DLG1: variants seen among roughly 807,000 people sequenced by gnomAD.
DLG1 encodes the protein discs large MAGUK scaffold protein 1.
Under a neutral mutation model 123.4 loss-of-function variants are expected in DLG1, and 42 were observed. The observed-to-expected ratio is 0.34, with a 90% CI of 0.27 to 0.44. The LOEUF (loss-of-function observed/expected upper bound fraction) is 0.44. DLG1 is among the 20% of genes least tolerant of loss of function. The pLI, the probability that DLG1 is intolerant of heterozygous loss-of-function variation, is 1.00. For synonymous variants in DLG1, 317 were observed against 356.2 expected, an observed-to-expected ratio of 0.89 and a Z score of 1.24; for missense variants, 942 against 1,082.6, an observed-to-expected ratio of 0.87 and a Z score of 1.82.
chr3:197,243,405 T>G (rs947933380), intron 4 of DLG1, among the ~76,000 whole-genome samples: 1 of 152,196 alleles, frequency 6.6e-6, no homozygotes, highest in Non-Finnish European at 1.5e-5. Context: ...TTTTCCCCTC[T>G]TGAATTTACA....
intron 4 of DLG1, among the ~76,000 whole-genome samples, chr3:197,223,218 G>A (rs1327458493): frequency 6.6e-6 from 1 of 152,092 alleles, no homozygotes; most frequent in African/African-American, 2.4e-5. Flanking sequence ...CGAGACATGA[G>A]AGATTAAACA....
At chr3:197,297,956 G>C in intron 1 of DLG1, 1 of 980,280 alleles carries the variant, frequency 1.0e-6, no homozygotes, top group Non-Finnish European at 1.2e-6. Context: ...AGCTCCCCTG[G>C]GCCGCCGCAC....
intron 4 of DLG1, among the ~76,000 whole-genome samples, chr3:197,217,086 G>C (rs1448629017): frequency 6.6e-6 from 1 of 152,166 alleles, no homozygotes; most frequent in Non-Finnish European, 1.5e-5. Flanking sequence ...CATCCACTTA[G>C]TCATTAAACA....
intron 18 of DLG1, among the ~76,000 whole-genome samples, chr3:197,071,798 C>T (rs781173554): frequency 2.6e-5 from 4 of 152,080 alleles, no homozygotes; most frequent in Non-Finnish European, 5.9e-5. Context: ...TGTCAAGCAT[C>T]GATAATGATA....
At chr3:197,152,393 G>A (rs138930594) in intron 5 of DLG1, among the ~76,000 whole-genome samples, 54 of 147,328 alleles carry the variant, frequency 3.7e-4, no homozygotes, top group Middle Eastern at 3.6e-3. Context: ...TCTACTACTC[G>A]CTGTCTTGGT....
At chr3:197,113,707 T>C (rs1771412870) in intron 13 of DLG1, among the ~76,000 whole-genome samples, 1 of 152,234 alleles carries the variant, frequency 6.6e-6, no homozygotes, top group African/African-American at 2.4e-5. Flanking sequence ...TTCTGTATCT[T>C]AAAATCGTAG....
intron 4 of DLG1, among the ~76,000 whole-genome samples, chr3:197,220,153 G>A (rs1023859266): frequency 7.9e-5 from 12 of 152,076 alleles, no homozygotes; most frequent in Non-Finnish European, 1.6e-4. Context: ...TATATACCTA[G>A]TGCACAGGTG....
At chr3:197,051,331 G>C (rs906689627) in intron 24 of DLG1, among the ~76,000 whole-genome samples, 2 of 149,766 alleles carry the variant, frequency 1.3e-5, no homozygotes, top group Non-Finnish European at 3.0e-5. Flanking sequence ...GCTGAGGCAG[G>C]AGAATCGCTT....
At chr3:197,067,060 A>C (rs1740117704) in intron 19 of DLG1, among the ~76,000 whole-genome samples, 1 of 152,144 alleles carries the variant, frequency 6.6e-6, no homozygotes, top group Admixed American at 6.5e-5. Context: ...GAATCTAAGA[A>C]TTATTAAATC....
At position 197,208,316 on chromosome 3, in the gene DLG1, C is replaced by T. The variant is rs80044095; in HGVS notation, c.319-13727G>A. The stretch of plus-strand genomic sequence containing the variant: ...TTCATACGAATCTGTGGAGTGTACA[C>T]TGGTACTACCTCTATAAAAGGACAA... On this transcript the variant is annotated intron_variant, in intron 4 of 24. Transcript: ENST00000667157. 5.3e-4 allele frequency among the ~76,000 whole-genome samples: 78 copies of T among 146,642 alleles called. 7 individuals carry two copies. The East Asian group carries it at 0.015, about 27-fold the overall frequency.
At chr3:197,177,559 T>C (rs1807795803) in intron 5 of DLG1, among the ~76,000 whole-genome samples, 1 of 152,120 alleles carries the variant, frequency 6.6e-6, no homozygotes, top group Non-Finnish European at 1.5e-5. Context: ...CAATCTAGGA[T>C]GGTCCAAGAT....
chr3:197,169,749 G>A (rs1290656511), intron 5 of DLG1, among the ~76,000 whole-genome samples: 1 of 152,108 alleles, frequency 6.6e-6, no homozygotes, highest in Non-Finnish European at 1.5e-5. Flanking sequence ...ATTCACTACT[G>A]TATCTTTTTA....
intron 11 of DLG1, among the ~76,000 whole-genome samples, chr3:197,122,719 C>T (rs747022647): frequency 1.2e-4 from 19 of 152,024 alleles, no homozygotes; most frequent in Admixed American, 3.3e-4. Context: ...CTAAATCTAA[C>T]ATATAAAACC....
intron 4 of DLG1, among the ~76,000 whole-genome samples, chr3:197,233,729 A>G (rs760418976): frequency 1.1e-4 from 16 of 152,326 alleles, no homozygotes; most frequent in Middle Eastern, 6.8e-3. Context: ...CATATTGGCC[A>G]GGCTGGTCTT....
At chr3:197,186,766 C>T (rs141925268) in intron 5 of DLG1, among the ~76,000 whole-genome samples, 9 of 152,208 alleles carry the variant, frequency 5.9e-5, no homozygotes, top group South Asian at 4.1e-4. Flanking sequence ...GTTTTTGAGA[C>T]GGAGTCTCAC....
chr3:197,130,395 T>A, intron 11 of DLG1, 132 bp downstream of exon 11: 1 of 801,510 alleles, frequency 1.2e-6, no homozygotes, highest in Non-Finnish European at 1.7e-6. Flanking sequence ...ATGAGTAGAT[T>A]AACATGCTTA....
chr3:197,081,164 G>C (rs752079787), intron 16 of DLG1, 47 bp from the exon 17 acceptor site: 1 of 1,546,626 alleles, frequency 6.5e-7, no homozygotes, highest in East Asian at 2.3e-5. Flanking sequence ...AAACATATCT[G>C]GGGTCTTACT....
chr3:197,219,134 A>C (rs1314523960), intron 4 of DLG1, among the ~76,000 whole-genome samples: 1 of 152,102 alleles, frequency 6.6e-6, no homozygotes, highest in Non-Finnish European at 1.5e-5. Flanking sequence ...TGGACTCAAA[A>C]AAAAAGAAGA....
intron 17 of DLG1, among the ~76,000 whole-genome samples, chr3:197,077,260 C>G (rs1747905518): frequency 6.6e-6 from 1 of 151,322 alleles, no homozygotes; most frequent in Admixed American, 6.6e-5. Flanking sequence ...TACACATATA[C>G]ATATTCTTGG....
Sources: gnomAD v4.1 joint callset for allele counts (sites outside exome capture counted in the v4.1 genomes callset) on GRCh38, gnomAD v4.1.1 for gene constraint, MANE v1.5 for transcripts, NCBI Gene and HGNC (gene_info 2026-07-23, HGNC 2026-07-21) for gene names.